Variants in NOSIP observed in about 807,000 individuals in gnomAD.
NOSIP encodes the protein nitric oxide synthase-interacting protein.
In NOSIP, 25 loss-of-function variants were observed where a neutral mutation model predicts 36.4. That is an observed-to-expected ratio of 0.69 (90% CI 0.50 to 0.96). The LOEUF is 0.96. Among genes scored for constraint, NOSIP ranks in the 40% least tolerant of loss-of-function variants. The pLI, the probability that NOSIP is intolerant of heterozygous loss-of-function variation, is 0.00. For synonymous variants in NOSIP, 187 were observed against 179.2 expected, an observed-to-expected ratio of 1.04 and a Z score of -0.35; for missense variants, 370 against 429.0, an observed-to-expected ratio of 0.86 and a Z score of 1.21.
chr19:49,576,776 C>G (rs888551942), intron 1 of NOSIP, among the ~76,000 whole-genome samples: 2 of 149,570 alleles, frequency 1.3e-5, no homozygotes, highest in South Asian at 2.1e-4. Context: ...CCCAGCTACT[C>G]GGGAGGCTGA....
In NOSIP at chr19:49,555,656, T is replaced by C; in HGVS notation, c.*95A>G. On this transcript the variant is annotated 3_prime_UTR_variant, in exon 9 of 9. Transcript: ENST00000596358. The stretch of plus-strand genomic sequence containing the variant: ...GGAGCACTGTTTGCACGGCCCTGCA[T>C]CCTCGCCTGCCCTGTCCCCGGGGCG... 9.7e-7 allele frequency: 1 copy of C among 1,027,446 alleles called. No individual in the cohort carries two copies. Among genetic ancestry groups the C allele is most frequent in the Admixed American group, 1.8e-5 (1 of 54,742 alleles). 63.6% of individuals were successfully genotyped at this position (1,027,446 alleles called of 1,614,324 possible). A position where few individuals can be genotyped will look rare whatever the true frequency, so the allele number is the denominator to read the frequency against.
intron 1 of NOSIP, among the ~76,000 whole-genome samples, chr19:49,574,759 G>C (rs914934863): frequency 6.6e-6 from 1 of 152,102 alleles, no homozygotes; most frequent in African/African-American, 2.4e-5. Context: ...TGTCACCTAG[G>C]TTGGAGTGCA....
chr19:49,579,438 GGAGA>G (rs2080596479), intron 1 of NOSIP, among the ~76,000 whole-genome samples: 1 of 152,186 alleles, frequency 6.6e-6, no homozygotes, highest in African/African-American at 2.4e-5. Flanking sequence ...TGAGATATCA[GGAGA>G]GAGATAATAG....
intron 1 of NOSIP, among the ~76,000 whole-genome samples, chr19:49,571,344 C>T (rs190947295): frequency 3.3e-5 from 5 of 152,062 alleles, no homozygotes; most frequent in African/African-American, 9.6e-5. Flanking sequence ...AAAGCGTGAG[C>T]GCCTCCAACC....
chr19:49,568,948 C>T (rs1377898091), intron 1 of NOSIP, among the ~76,000 whole-genome samples: 5 of 149,156 alleles, frequency 3.4e-5, no homozygotes, highest in African/African-American at 1.2e-4. Flanking sequence ...GACTACAGGC[C>T]TGCACCACCA....
Position 49,555,482 on chromosome 19 carries a change from C to A in NOSIP, c.*269G>T, listed in dbSNP as rs1001352604. On this transcript the variant is annotated 3_prime_UTR_variant, in exon 9 of 9. Coordinates refer to ENST00000596358, the MANE Select transcript of NOSIP (RefSeq NM_001270960.2). The stretch of plus-strand genomic sequence containing the variant: ...CCATGTTGGCCAGGCTGGTCTCGAA[C>A]TCCTGACCTCAAGTGATACGCTAGC... 6.6e-6 allele frequency among the ~76,000 whole-genome samples: 1 copy of A among 152,172 alleles called. No individual in the cohort carries two copies. The highest frequency in any genetic ancestry group is 1.5e-5 in the Non-Finnish European group (1 of 68,036).
intron 1 of NOSIP, among the ~76,000 whole-genome samples, chr19:49,568,802 G>GTT (rs1568408606): frequency 8.7e-6 from 1 of 115,018 alleles, no homozygotes; most frequent in African/African-American, 5.3e-5. Flanking sequence ...AAAATAGTTT[G>GTT]TTTGTTTGTT....
In NOSIP at chr19:49,560,782, C is replaced by G. The variant is rs1433382753; in HGVS notation, c.-1-90G>C. The G allele has an allele frequency of 2.0e-6, 2 of 989,810 alleles. No homozygotes were observed. Among genetic ancestry groups the G allele is most frequent in the East Asian group, 5.3e-5 (2 of 38,024 alleles). The allele number at this position is 989,810 out of a possible 1,614,324, so 61.3% of individuals were successfully genotyped here. ...TGCAGCCCTCAGAGCTGATCTGCCC[C>G]CCTTGATGGGAAAGCGGAGGCGGAG... On this transcript the variant is annotated intron_variant, in intron 1 of 8. Coordinates refer to ENST00000596358, the MANE Select transcript of NOSIP (RefSeq NM_001270960.2). This position sits in a 1 kb window ranked among gnomAD's most constrained non-coding sequence, Gnocchi z 4.6.
chr19:49,569,390 G>C (rs1454764863), intron 1 of NOSIP, among the ~76,000 whole-genome samples: 1 of 146,332 alleles, frequency 6.8e-6, no homozygotes, highest in Non-Finnish European at 1.5e-5. Flanking sequence ...AGTAGAGATG[G>C]GGTTTCACCA....
chr19:49,570,764 C>T (rs891503018), intron 1 of NOSIP, among the ~76,000 whole-genome samples: 4 of 152,080 alleles, frequency 2.6e-5, no homozygotes, highest in African/African-American at 7.2e-5. Flanking sequence ...ATGAAGGTCA[C>T]GGTGACCTTT....
At chr19:49,556,777 G>A in intron 6 of NOSIP, 41 bp from the exon 7 acceptor site, 1 of 1,584,244 alleles carries the variant, frequency 6.3e-7, no homozygotes, top group East Asian at 2.3e-5. Flanking sequence ...AGGCAGGGCT[G>A]GCGCAGGTGG....
chr19:49,563,095 A>G (rs2080356978), intron 1 of NOSIP, among the ~76,000 whole-genome samples: 1 of 152,194 alleles, frequency 6.6e-6, no homozygotes, highest in Non-Finnish European at 1.5e-5. Flanking sequence ...AAAATTATAC[A>G]TGTCCTGTTT....
chr19:49,559,974 A>T lies in NOSIP; in HGVS notation c.136T>A (p.Cys46Ser). The T allele has an allele frequency of 6.2e-7, 1 of 1,613,908 alleles. No individual in the cohort carries two copies. Among genetic ancestry groups the T allele is most frequent in the Non-Finnish European group, 8.5e-7 (1 of 1,179,868 alleles). Residue 46 changes from cysteine to serine, a missense_variant, in exon 3 of 9, where the codon TGT becomes AGT. This residue lies in a region of NOSIP where 315 missense variants were observed against 331.9 expected (regional missense o/e 0.95). Coordinates refer to ENST00000596358, the MANE Select transcript of NOSIP (RefSeq NM_001270960.2). Reference protein sequence around the residue: ...SRDAVKDFDCCCLSLQPCHDP... With the variant: ...SRDAVKDFDCSCLSLQPCHDP... ...TGGCAAGGCTGCAGGGAGAGACAAC[A>T]GCAGTCGAAGTCCTTCACGGCATCC... is the stretch of plus-strand genomic sequence containing the variant.
intron 4 of NOSIP, 41 bp from the exon 5 acceptor site, chr19:49,557,290 TG>T (rs1182383446): frequency 2.0e-6 from 3 of 1,530,112 alleles, no homozygotes; most frequent in Non-Finnish European, 2.6e-6. Flanking sequence ...CCCGTGGGGC[TG>T]GGGGTATCTT....
At chr19:49,578,938 A>T (rs76138951) in intron 1 of NOSIP, among the ~76,000 whole-genome samples, 1 of 145,876 alleles carries the variant, frequency 6.9e-6, no homozygotes, top group African/African-American at 2.5e-5. Flanking sequence ...TTAAATACTT[A>T]AAAAAAAAAA....
In NOSIP at chr19:49,556,442, G is replaced by A. The variant is rs886201820; in HGVS notation, c.726-17C>T. The A allele has an allele frequency of 1.1e-5, 18 of 1,612,036 alleles. No homozygotes were observed. The highest frequency in any genetic ancestry group is 1.4e-5 in the Non-Finnish European group (17 of 1,179,014). On this transcript the variant is annotated splice_polypyrimidine_tract_variant and intron_variant, in intron 7 of 8. Coordinates refer to ENST00000596358, the MANE Select transcript of NOSIP (RefSeq NM_001270960.2). ...ACAGCCCCACTACGGTGAGGCCGAA[G>A]GCGGGAGACTCTGATCAGGGGCCTT...
At chr19:49,561,802 G>A (rs2080338368) in intron 1 of NOSIP, among the ~76,000 whole-genome samples, 2 of 151,472 alleles carry the variant, frequency 1.3e-5, no homozygotes, top group South Asian at 4.2e-4. Flanking sequence ...AGAATCACTT[G>A]AGCCCAGGAG....
At chr19:49,557,736 C>T (rs1049382160) in intron 4 of NOSIP, 4 of 991,592 alleles carry the variant, frequency 4.0e-6, no homozygotes, top group Admixed American at 6.0e-5. Flanking sequence ...TGTCTATGGA[C>T]GGACAGTGAG....
intron 1 of NOSIP, 108 bp downstream of exon 1, chr19:49,580,407 G>A (rs2080610999): frequency 6.6e-6 from 1 of 152,020 alleles, no homozygotes; most frequent in African/African-American, 2.4e-5. Context: ...ATGATTGACA[G>A]GGAATCGGGA....
Sources: allele counts gnomAD v4.1 joint callset (sites outside exome capture counted in the v4.1 genomes callset), GRCh38; gene constraint gnomAD v4.1.1; regional missense constraint gnomAD v4.1.1; non-coding constraint Gnocchi (gnomAD v3.1); transcripts MANE v1.5; gene names NCBI Gene and HGNC (gene_info 2026-07-23, HGNC 2026-07-21).